ATP9B: variants seen among roughly 807,000 people sequenced by gnomAD.
ATP9B encodes probable phospholipid-transporting ATPase IIB.
Under a neutral mutation model 146.1 loss-of-function variants are expected in ATP9B, and 110 were observed. That is an observed-to-expected ratio of 0.75 (90% CI 0.65 to 0.88). ATP9B has a LOEUF of 0.88. Ranked by LOEUF, ATP9B falls within the 40% of genes least tolerant of loss-of-function variation. ATP9B has a pLI of 0.00. For missense variants in ATP9B, 1,499 were observed against 1,496.4 expected, an observed-to-expected ratio of 1.00 and a Z score of -0.03; for synonymous variants, 604 against 569.7, an observed-to-expected ratio of 1.06 and a Z score of -0.86.
In ATP9B at chr18:79,113,233, C is replaced by CTT; in HGVS notation, c.445-4_445-3dup. 1 of 1,478,936 alleles carries CTT rather than the reference C, an allele frequency of 6.8e-7. No individual in the cohort carries two copies. The highest frequency in any genetic ancestry group is 9.2e-7 in the Non-Finnish European group (1 of 1,086,582). 91.6% of individuals were successfully genotyped at this position (1,478,936 alleles called of 1,614,324 possible). A position where few individuals can be genotyped will look rare whatever the true frequency, so the allele number is the denominator to read the frequency against. On this transcript the variant is annotated splice_region_variant and splice_polypyrimidine_tract_variant and intron_variant, in intron 3 of 29. Coordinates refer to ENST00000426216, the MANE Select transcript of ATP9B (RefSeq NM_198531.5). Reference sequence around the variant, plus strand: ...GGAATTTTGTTAATTTTCTCTTTTCCTTTTTAGGTTTTGTATGAACAATTC... The same window carrying CTT: ...GGAATTTTGTTAATTTTCTCTTTTCCTTTTTTTAGGTTTTGTATGAACAATTC...
chr18:79,166,752 C>T (rs1260493683), intron 7 of ATP9B, among the ~76,000 whole-genome samples: 3 of 152,218 alleles, frequency 2.0e-5, no homozygotes, highest in African/African-American at 7.2e-5. Flanking sequence ...CCACAAACCT[C>T]TATGGCCCGT....
intron 7 of ATP9B, chr18:79,173,644 G>A (rs1568330726): frequency 8.9e-6 from 4 of 450,486 alleles, no homozygotes. Context: ...ATGTTGGGGG[G>A]ACTCTCTCTG....
intron 9 of ATP9B, among the ~76,000 whole-genome samples, chr18:79,199,646 C>T (rs1351018135): frequency 1.3e-5 from 2 of 152,010 alleles, no homozygotes; most frequent in Non-Finnish European, 2.9e-5. Context: ...GCCTGTAGTC[C>T]CAGCTATTCA....
At chr18:79,098,706 C>G (rs1473842943) in intron 2 of ATP9B, among the ~76,000 whole-genome samples, 1 of 152,132 alleles carries the variant, frequency 6.6e-6, no homozygotes, top group Admixed American at 6.5e-5. Context: ...TGCTTTGTAT[C>G]TACTTTAAGT....
At chr18:79,086,723 A>T (rs927425497) in intron 1 of ATP9B, among the ~76,000 whole-genome samples, 4 of 152,124 alleles carry the variant, frequency 2.6e-5, no homozygotes, top group Admixed American at 2.6e-4. Context: ...GTTATTTCTT[A>T]TTTCAAGAAA....
chr18:79,160,653 G>A (rs1025562917), intron 7 of ATP9B, among the ~76,000 whole-genome samples: 7 of 152,228 alleles, frequency 4.6e-5, no homozygotes, highest in Non-Finnish European at 8.8e-5. Context: ...GCTGAAAGGT[G>A]TTTAGAAATG....
At chr18:79,307,850 G>C (rs978814623) in intron 15 of ATP9B, among the ~76,000 whole-genome samples, 1 of 152,090 alleles carries the variant, frequency 6.6e-6, no homozygotes, top group African/African-American at 2.4e-5. Context: ...ACAGTTTTGT[G>C]TACACTTTGT....
At chr18:79,225,839 G>C (rs12605374) in intron 11 of ATP9B, among the ~76,000 whole-genome samples, 7,437 of 36,756 alleles carry the variant, frequency 0.2, 65 homozygotes, top group East Asian at 0.43. Flanking sequence ...CTGAGTGACT[G>C]TTGGGTCCCG....
At chr18:79,279,410 A>G (rs2096352297) in intron 13 of ATP9B, among the ~76,000 whole-genome samples, 1 of 152,252 alleles carries the variant, frequency 6.6e-6, no homozygotes, top group Non-Finnish European at 1.5e-5. Flanking sequence ...ATTGATAAAT[A>G]TAATCAGAAA....
At chr18:79,142,008 G>A (rs1057301942) in intron 5 of ATP9B, among the ~76,000 whole-genome samples, 6 of 152,180 alleles carry the variant, frequency 3.9e-5, no homozygotes, top group South Asian at 2.1e-4. Flanking sequence ...ATAACAATAT[G>A]ATCATTTCTT....
At chr18:79,074,609 C>A (rs2072378847) in intron 1 of ATP9B, among the ~76,000 whole-genome samples, 1 of 152,246 alleles carries the variant, frequency 6.6e-6, no homozygotes, top group Non-Finnish European at 1.5e-5. Flanking sequence ...GTTCCCCTTA[C>A]TGCTACTGCC....
intron 12 of ATP9B, among the ~76,000 whole-genome samples, chr18:79,261,795 G>A (rs563315699): frequency 1.1e-4 from 16 of 152,138 alleles, no homozygotes; most frequent in Non-Finnish European, 2.4e-4. Flanking sequence ...TCAGTTTCCC[G>A]ATATTCAGGA....
At chr18:79,197,716 G>A (rs2095429686) in intron 9 of ATP9B, among the ~76,000 whole-genome samples, 1 of 152,100 alleles carries the variant, frequency 6.6e-6, no homozygotes, top group Non-Finnish European at 1.5e-5. Context: ...AAAAAAGACA[G>A]GTGCAGGAAA....
intron 15 of ATP9B, 108 bp from the exon 16 acceptor site, chr18:79,329,033 C>T: frequency 1.7e-6 from 2 of 1,203,400 alleles, no homozygotes; most frequent in Non-Finnish European, 1.1e-6. Flanking sequence ...CTAAGTTCTT[C>T]TGCAGCTGTC....
intron 8 of ATP9B, among the ~76,000 whole-genome samples, chr18:79,178,213 CTG>C (rs2095204197): frequency 6.6e-6 from 1 of 152,182 alleles, no homozygotes; most frequent in African/African-American, 2.4e-5. Context: ...AGCTGCCAAA[CTG>C]TTTTCCAGAG....
At chr18:79,162,091 T>C (rs913827751) in intron 7 of ATP9B, among the ~76,000 whole-genome samples, 1 of 152,222 alleles carries the variant, frequency 6.6e-6, no homozygotes, top group Non-Finnish European at 1.5e-5. Context: ...TTTTATTGCT[T>C]TTTAGTTTCA....
intron 11 of ATP9B, among the ~76,000 whole-genome samples, chr18:79,232,756 G>C (rs921783322): frequency 6.6e-6 from 1 of 152,296 alleles, no homozygotes; most frequent in Admixed American, 6.5e-5. Context: ...CGAAAACGGA[G>C]AGATAACTGT....
chr18:79,135,844 G>GT (rs59908075), intron 5 of ATP9B, among the ~76,000 whole-genome samples: 2 of 152,096 alleles, frequency 1.3e-5, no homozygotes, highest in Non-Finnish European at 2.9e-5. Flanking sequence ...GAGTATGGGT[G>GT]TTTTTTTGCA....
intron 11 of ATP9B, among the ~76,000 whole-genome samples, chr18:79,247,109 C>T (rs1313991800): frequency 6.6e-6 from 1 of 152,114 alleles, no homozygotes; most frequent in Non-Finnish European, 1.5e-5. Flanking sequence ...ATTTATAATA[C>T]TAAAAATAAA....
Sources: gnomAD v4.1 joint callset for allele counts (sites outside exome capture counted in the v4.1 genomes callset) on GRCh38, gnomAD v4.1.1 for gene constraint, MANE v1.5 for transcripts, NCBI Gene and HGNC (gene_info 2026-07-23, HGNC 2026-07-21) for gene names.